Variants in PPP2R2B observed in about 807,000 individuals in gnomAD.
PPP2R2B encodes protein phosphatase 2 regulatory subunit Bbeta, also known as serine/threonine-protein phosphatase 2A 55 kDa regulatory subunit B beta isoform.
Under a neutral mutation model 46.0 loss-of-function variants are expected in PPP2R2B, and 5 were observed. The ratio of observed to expected loss-of-function variants is 0.11; its 90% confidence interval spans 0.06 to 0.23. The LOEUF (loss-of-function observed/expected upper bound fraction) is 0.23. PPP2R2B is among the 10% of genes least tolerant of loss of function. The pLI is 1.00. For missense variants in PPP2R2B, 367 were observed against 575.0 expected (o/e 0.64, Z 3.70); for synonymous variants, 215 against 206.7 (o/e 1.04, Z -0.34).
intron 1 of PPP2R2B, chr5:147,040,599 T>A (rs1033913617): frequency 3.2e-6 from 1 of 310,654 alleles, no homozygotes; most frequent in Non-Finnish European, 6.5e-6. Context: ...CTCAAAATAC[T>A]CAGGCTTGGC....
intron 2 of PPP2R2B, among the ~76,000 whole-genome samples, chr5:146,810,073 C>T (rs1245640162): frequency 1.3e-5 from 2 of 152,088 alleles, no homozygotes; most frequent in African/African-American, 4.8e-5. Flanking sequence ...GTGCTGTGTG[C>T]CAGAACTGGT....
At chr5:146,857,076 G>C (rs1760715958) in intron 2 of PPP2R2B, among the ~76,000 whole-genome samples, 1 of 152,178 alleles carries the variant, frequency 6.6e-6, no homozygotes. Flanking sequence ...TATAGCCAAA[G>C]TAGGGTCCTG....
chr5:146,754,455 C>T (rs903691726), intron 2 of PPP2R2B, among the ~76,000 whole-genome samples: 157 of 152,282 alleles, frequency 1.0e-3, no homozygotes, highest in African/African-American at 3.6e-3. Context: ...AGCAAATTTG[C>T]AGAAGCATAT....
intron 2 of PPP2R2B, among the ~76,000 whole-genome samples, chr5:146,826,517 C>T (rs1224273847): frequency 6.6e-6 from 1 of 152,096 alleles, no homozygotes; most frequent in Non-Finnish European, 1.5e-5. Context: ...ATGTAACAAA[C>T]CAGAGGTTGC....
intron 2 of PPP2R2B, among the ~76,000 whole-genome samples, chr5:146,828,181 T>C (rs1321085554): frequency 6.6e-6 from 1 of 152,142 alleles, no homozygotes; most frequent in Non-Finnish European, 1.5e-5. Context: ...GCACATTCTC[T>C]AGTTGAAGGT....
At chr5:146,828,912 G>T (rs1373162251) in intron 2 of PPP2R2B, among the ~76,000 whole-genome samples, 1 of 152,020 alleles carries the variant, frequency 6.6e-6, no homozygotes, top group Non-Finnish European at 1.5e-5. Flanking sequence ...CAGAAAATCA[G>T]GAATAATACA....
chr5:146,829,671 G>C (rs1165402866), intron 2 of PPP2R2B, among the ~76,000 whole-genome samples: 1 of 152,176 alleles, frequency 6.6e-6, no homozygotes, highest in East Asian at 1.9e-4. Flanking sequence ...TTATGTAAAA[G>C]AGGCGCAGGT....
chr5:146,906,950 G>A (rs939418816), intron 1 of PPP2R2B, among the ~76,000 whole-genome samples: 1 of 152,162 alleles, frequency 6.6e-6, no homozygotes, highest in Non-Finnish European at 1.5e-5. Context: ...AAGACCAGCC[G>A]AGTTACACTG....
intron 1 of PPP2R2B, among the ~76,000 whole-genome samples, chr5:146,927,185 C>G (rs1412793289): frequency 6.6e-6 from 1 of 152,106 alleles, no homozygotes; most frequent in Non-Finnish European, 1.5e-5. Context: ...AGGCCTTTGG[C>G]TGATTTCCAG....
At chr5:146,843,964 C>T (rs1759823384) in intron 2 of PPP2R2B, among the ~76,000 whole-genome samples, 1 of 151,626 alleles carries the variant, frequency 6.6e-6, no homozygotes, top group Admixed American at 6.6e-5. Flanking sequence ...GTGTATATAC[C>T]CAGTAATGGG....
At chr5:146,738,145 C>T (rs1752652049) in intron 2 of PPP2R2B, among the ~76,000 whole-genome samples, 1 of 151,840 alleles carries the variant, frequency 6.6e-6, no homozygotes, top group Non-Finnish European at 1.5e-5. Context: ...AACTGTAATC[C>T]CAGCACTTTG....
intron 2 of PPP2R2B, among the ~76,000 whole-genome samples, chr5:146,849,435 T>A (rs749853077): frequency 1.3e-5 from 2 of 152,224 alleles, no homozygotes; most frequent in Non-Finnish European, 2.9e-5. Context: ...TGTAAGCTTC[T>A]TAAAGGCAGA....
At chr5:146,591,448 C>G (rs1285059031) in intron 9 of PPP2R2B, among the ~76,000 whole-genome samples, 1 of 152,092 alleles carries the variant, frequency 6.6e-6, no homozygotes, top group Admixed American at 6.5e-5. Context: ...GGCTTTGCCT[C>G]CATGATCTCG....
chr5:146,796,219 C>A (rs1339894089), intron 2 of PPP2R2B, among the ~76,000 whole-genome samples: 3 of 152,084 alleles, frequency 2.0e-5, no homozygotes, highest in Non-Finnish European at 2.9e-5. Context: ...ATGAAAAAAA[C>A]CAATGAGAAT....
chr5:146,863,253 C>T (rs1430745984), intron 2 of PPP2R2B, among the ~76,000 whole-genome samples: 1 of 152,126 alleles, frequency 6.6e-6, no homozygotes, highest in Non-Finnish European at 1.5e-5. Flanking sequence ...GCTAATCCTA[C>T]AGAATAGGAA....
At chr5:146,998,823 G>C (rs1191039052) in intron 1 of PPP2R2B, among the ~76,000 whole-genome samples, 3 of 151,786 alleles carry the variant, frequency 2.0e-5, no homozygotes, top group African/African-American at 7.3e-5. Context: ...GATCCTGAGG[G>C]ATTCAGCAAA....
chr5:146,880,090 T>G (rs1212643280), upstream of PPP2R2B, among the ~76,000 whole-genome samples: 1 of 152,110 alleles, frequency 6.6e-6, no homozygotes, highest in East Asian at 1.9e-4. Context: ...ATACTTCTGG[T>G]AGATAGAAAA....
intron 2 of PPP2R2B, among the ~76,000 whole-genome samples, chr5:146,807,114 A>G (rs560588191): frequency 2.6e-5 from 4 of 152,314 alleles, no homozygotes; most frequent in African/African-American, 9.6e-5. Flanking sequence ...AGACCAACTG[A>G]ATCTGAACTT....
intron 2 of PPP2R2B, among the ~76,000 whole-genome samples, chr5:146,811,036 T>C (rs1431329244): frequency 6.6e-6 from 1 of 152,294 alleles, no homozygotes; most frequent in African/African-American, 2.4e-5. Flanking sequence ...AGTCTTGCCC[T>C]GTCGCCACCC....
Sources: gnomAD v4.1 joint callset for allele counts (sites outside exome capture counted in the v4.1 genomes callset) on GRCh38, gnomAD v4.1.1 for gene constraint, MANE v1.5 for transcripts, NCBI Gene and HGNC (gene_info 2026-07-23, HGNC 2026-07-21) for gene names.